The following LINGO2 variants were observed in gnomAD, a reference collection of about 807,000 sequenced individuals.
LINGO2 encodes the protein leucine-rich repeat and immunoglobulin-like domain-containing nogo receptor-interacting protein 2.
Under a neutral mutation model 30.6 loss-of-function variants are expected in LINGO2, and 14 were observed. The ratio of observed to expected loss-of-function variants is 0.46; its 90% confidence interval spans 0.30 to 0.72. LINGO2 has a LOEUF of 0.72. LINGO2 is among the 30% of genes least tolerant of loss of function. The pLI, the probability that LINGO2 is intolerant of heterozygous loss-of-function variation, is 0.07. For missense variants in LINGO2, 729 were observed against 751.7 expected (o/e 0.97, Z 0.35); for synonymous variants, 317 against 288.5 (o/e 1.10, Z -1.00).
At chr9:27,958,073 T>C (rs930087666) in intron 5 of LINGO2, among the ~76,000 whole-genome samples, 5 of 152,192 alleles carry the variant, frequency 3.3e-5, no homozygotes, top group Non-Finnish European at 7.4e-5. Context: ...TTAAGTTTGA[T>C]GTTAGCTGTG....
chr9:28,290,796 G>T (rs935687776), intron 4 of LINGO2, among the ~76,000 whole-genome samples: 1 of 152,096 alleles, frequency 6.6e-6, no homozygotes, highest in African/African-American at 2.4e-5. Context: ...CCTGAGGAAG[G>T]AACTCAGAGA....
At chr9:28,712,287 C>T in the LINGO2 span, among the ~76,000 whole-genome samples, 3 of 151,838 alleles carry the variant, frequency 2.0e-5, no homozygotes, top group East Asian at 3.9e-4. Flanking sequence ...AGCATTGCAC[C>T]CACTTGAATG....
intron 1 of LINGO2, among the ~76,000 whole-genome samples, chr9:28,669,705 G>C (rs1480646003): frequency 6.6e-6 from 1 of 151,962 alleles, no homozygotes; most frequent in African/African-American, 2.4e-5. Flanking sequence ...ATTAGTACTA[G>C]TGGGGGAAAT....
At chr9:29,123,060 C>G in the LINGO2 span, among the ~76,000 whole-genome samples, 1 of 152,078 alleles carries the variant, frequency 6.6e-6, no homozygotes, top group African/African-American at 2.4e-5. Context: ...CCATAAGCCA[C>G]ACTTTAATCA....
intron 1 of LINGO2, among the ~76,000 whole-genome samples, chr9:28,503,806 A>G (rs1410858837): frequency 6.6e-6 from 1 of 151,910 alleles, no homozygotes; most frequent in Non-Finnish European, 1.5e-5. Flanking sequence ...AGGAGGAATT[A>G]ATTAGTGGGA....
chr9:28,354,394 C>T (rs941311996), intron 3 of LINGO2, among the ~76,000 whole-genome samples: 4 of 152,078 alleles, frequency 2.6e-5, no homozygotes, highest in African/African-American at 9.7e-5. Context: ...ATAAAAACTT[C>T]ACAAAATCCT....
chr9:28,219,371 TC>T, intron 4 of LINGO2, among the ~76,000 whole-genome samples: 1 of 152,182 alleles, frequency 6.6e-6, no homozygotes, highest in Non-Finnish European at 1.5e-5. Context: ...CTTTTATATT[TC>T]AAAATGATGG....
chr9:28,740,696 A>T, the LINGO2 span, among the ~76,000 whole-genome samples: 2 of 152,010 alleles, frequency 1.3e-5, no homozygotes, highest in Non-Finnish European at 2.9e-5. Context: ...GTAAAATTGT[A>T]TATATTTTTT....
chr9:28,329,591 C>T lies in LINGO2; in HGVS notation c.-245-34225G>A, dbSNP rs1825348770. 6.6e-6 allele frequency among the ~76,000 whole-genome samples: 1 copy of T among 152,122 alleles called. No homozygotes were observed. The highest frequency in any genetic ancestry group is 2.4e-5 in the African/African-American group (1 of 41,420). ...GTTCAAGCCAGGATATCCAAGCATA[C>T]ACAAAAATTCTTTATATAATTGCAC... On this transcript the variant is annotated intron_variant, in intron 3 of 5. Coordinates refer to ENST00000379992, the Ensembl canonical transcript of LINGO2. This position sits in a 1 kb window ranked among gnomAD's most constrained non-coding sequence, Gnocchi z 4.5.
intron 1 of LINGO2, among the ~76,000 whole-genome samples, chr9:28,518,057 T>C (rs1372580392): frequency 1.3e-5 from 2 of 152,046 alleles, no homozygotes; most frequent in South Asian, 2.1e-4. Flanking sequence ...GCATAACAGA[T>C]AGGGTCCCAA....
At chr9:28,356,232 T>A (rs566856437) in intron 3 of LINGO2, among the ~76,000 whole-genome samples, 59 of 152,134 alleles carry the variant, frequency 3.9e-4, no homozygotes, top group East Asian at 5.8e-4. Flanking sequence ...GAGATTTTTT[T>A]AAAAAAAATC....
At chr9:29,003,055 G>A in the LINGO2 span, among the ~76,000 whole-genome samples, 8 of 152,008 alleles carry the variant, frequency 5.3e-5, no homozygotes, top group East Asian at 1.9e-4. Context: ...GTGAAAATAC[G>A]GATAGAAAAT....
intron 3 of LINGO2, among the ~76,000 whole-genome samples, chr9:28,339,785 C>G (rs1171776417): frequency 6.6e-6 from 1 of 152,134 alleles, no homozygotes; most frequent in African/African-American, 2.4e-5. Flanking sequence ...ATGTGAAGAT[C>G]TGTTATTAGA....
chr9:28,546,606 G>C (rs1189272082), intron 1 of LINGO2, among the ~76,000 whole-genome samples: 1 of 152,058 alleles, frequency 6.6e-6, no homozygotes, highest in Non-Finnish European at 1.5e-5. Flanking sequence ...TACACAGAAA[G>C]GTGGAAAAAG....
At chr9:28,249,992 C>G (rs183341775) in intron 4 of LINGO2, among the ~76,000 whole-genome samples, 1 of 152,072 alleles carries the variant, frequency 6.6e-6, no homozygotes, top group Non-Finnish European at 1.5e-5. Flanking sequence ...CAATTATTAT[C>G]CTTCACTCTG....
chr9:27,978,994 A>T (rs1820732188), intron 5 of LINGO2, among the ~76,000 whole-genome samples: 1 of 152,078 alleles, frequency 6.6e-6, no homozygotes, highest in South Asian at 2.1e-4. Context: ...GGCTCAGAGA[A>T]GTTAAGCCAC....
chr9:28,205,066 A>G (rs1820364403), intron 4 of LINGO2, among the ~76,000 whole-genome samples: 1 of 150,708 alleles, frequency 6.6e-6, no homozygotes, highest in Non-Finnish European at 1.5e-5. Flanking sequence ...TGAGTCCCAA[A>G]TCTCAAATCT....
chr9:28,664,282 C>G (rs1177596587), intron 1 of LINGO2, among the ~76,000 whole-genome samples: 11 of 151,940 alleles, frequency 7.2e-5, no homozygotes, highest in African/African-American at 2.7e-4. Flanking sequence ...TTTTTTGTTA[C>G]TTCTAGGGGA....
At position 28,413,658 on chromosome 9, in the gene LINGO2, G is replaced by C. The variant is rs149428254; in HGVS notation, c.-278-40790C>G. Among the ~76,000 whole-genome samples, 630 of 152,134 alleles carry C rather than the reference G, an allele frequency of 4.1e-3. 5 individuals carry two copies. The highest frequency in any genetic ancestry group is 0.014 in the African/African-American group (596 of 41,518). Reference sequence around the variant, plus strand: ...CCAGCTGTGCTCCATTATGCTGAAGGGTTCAACAGATTACTTCTGGGACTA... The same window carrying C: ...CCAGCTGTGCTCCATTATGCTGAAGCGTTCAACAGATTACTTCTGGGACTA... On this transcript the variant is annotated intron_variant, in intron 2 of 5. Coordinates refer to ENST00000379992, the Ensembl canonical transcript of LINGO2.
Sources: gnomAD v4.1 joint callset for allele counts (sites outside exome capture counted in the v4.1 genomes callset) on GRCh38, gnomAD v4.1.1 for gene constraint, Gnocchi (gnomAD v3.1) non-coding constraint, MANE v1.5 for transcripts, NCBI Gene and HGNC (gene_info 2026-07-23, HGNC 2026-07-21) for gene names.